Variants in ROR1 observed in about 807,000 individuals in gnomAD.
The protein encoded by ROR1 is inactive tyrosine-protein kinase transmembrane receptor ROR1.
In ROR1, 19 loss-of-function variants were observed where a neutral mutation model predicts 78.8. The observed-to-expected ratio is 0.24, with a 90% confidence interval of 0.17 to 0.35. The LOEUF is 0.35. Ranked by LOEUF, ROR1 falls within the 10% of genes least tolerant of loss-of-function variation. ROR1 has a pLI of 1.00. For synonymous variants in ROR1, 386 were observed against 433.6 expected (o/e 0.89, Z 1.36); for missense variants, 917 against 1,177.8 (o/e 0.78, Z 3.24).
At chr1:64,142,894 GA>G in intron 7 of ROR1, 2 of 1,339,594 alleles carry the variant, frequency 1.5e-6, no homozygotes, top group Non-Finnish European at 1.9e-6. Context: ...ATGTAACAGG[GA>G]CCCAGCCCTT....
intron 1 of ROR1, among the ~76,000 whole-genome samples, chr1:63,959,500 A>C (rs1569976708): frequency 6.6e-6 from 1 of 151,498 alleles, no homozygotes. Context: ...TGATTTCCTC[A>C]CCCTCCCCCA....
At chr1:64,051,317 G>C (rs1407863626) in intron 4 of ROR1, among the ~76,000 whole-genome samples, 3 of 151,788 alleles carry the variant, frequency 2.0e-5, no homozygotes, top group Non-Finnish European at 4.4e-5. Flanking sequence ...GTGCGTCGTG[G>C]TGGGCGCCTG....
chr1:64,143,603 A>G (rs901716728), intron 7 of ROR1, among the ~76,000 whole-genome samples: 1 of 152,166 alleles, frequency 6.6e-6, no homozygotes, highest in African/African-American at 2.4e-5. Flanking sequence ...GTTTAACCAG[A>G]TGATTATTCA....
chr1:63,845,913 C>G (rs1017261705), intron 1 of ROR1, among the ~76,000 whole-genome samples: 1 of 152,018 alleles, frequency 6.6e-6, no homozygotes, highest in Non-Finnish European at 1.5e-5. Flanking sequence ...TTAGATGGAG[C>G]CTGAACTTAT....
In ROR1 at chr1:64,109,008, C is replaced by T. The variant is rs543260262; in HGVS notation, c.483-28361C>T. 2.0e-5 allele frequency among the ~76,000 whole-genome samples: 3 copies of T among 152,310 alleles called. No individual in the cohort carries two copies. In the East Asian group the frequency reaches 5.8e-4, roughly 29 times the overall value. On this transcript the variant is annotated intron_variant, in intron 4 of 8. Transcript: ENST00000371079. Reference sequence around the variant, plus strand: ...GACACACCCCAGAGCTACTGAATCACAGTCTCTAGAGCTTGGGCCAGGAAT... The same window carrying T: ...GACACACCCCAGAGCTACTGAATCATAGTCTCTAGAGCTTGGGCCAGGAAT...
At chr1:64,083,873 A>G (rs536474651) in intron 4 of ROR1, among the ~76,000 whole-genome samples, 3 of 152,238 alleles carry the variant, frequency 2.0e-5, no homozygotes, top group Non-Finnish European at 4.4e-5. Context: ...GGAGATGATC[A>G]GGAATGGCTG....
At chr1:64,004,563 C>T (rs940979797) in intron 1 of ROR1, among the ~76,000 whole-genome samples, 4 of 152,142 alleles carry the variant, frequency 2.6e-5, no homozygotes, top group African/African-American at 4.8e-5. Flanking sequence ...CTGGGCTGGC[C>T]GCTGGTCTTG....
At chr1:64,093,276 T>A (rs1001190499) in intron 4 of ROR1, among the ~76,000 whole-genome samples, 13 of 152,128 alleles carry the variant, frequency 8.5e-5, no homozygotes, top group Admixed American at 8.5e-4. Flanking sequence ...CCAGAATAGA[T>A]GACTTAATGG....
intron 4 of ROR1, among the ~76,000 whole-genome samples, chr1:64,057,032 C>T (rs1303431013): frequency 1.3e-5 from 2 of 152,036 alleles, no homozygotes; most frequent in Non-Finnish European, 2.9e-5. Context: ...AATTTATTAC[C>T]CATTCTTTGG....
chr1:63,871,027 G>A (rs957491030), intron 1 of ROR1, among the ~76,000 whole-genome samples: 1 of 152,196 alleles, frequency 6.6e-6, no homozygotes, highest in African/African-American at 2.4e-5. Flanking sequence ...CTTGGTTGTG[G>A]TCGGTATTAA....
At chr1:64,096,866 G>C (rs1647318214) in intron 4 of ROR1, among the ~76,000 whole-genome samples, 2 of 151,034 alleles carry the variant, frequency 1.3e-5, no homozygotes, top group Non-Finnish European at 2.9e-5. Flanking sequence ...CACCAACAGT[G>C]TATACGCATT....
chr1:64,053,076 G>A (rs1015528318), intron 4 of ROR1, among the ~76,000 whole-genome samples: 2 of 152,134 alleles, frequency 1.3e-5, no homozygotes, highest in Non-Finnish European at 2.9e-5. Flanking sequence ...TAACATTGAG[G>A]TCCCTCTAAA....
rs1465064821 is a variant in ROR1 at position 63,788,943 on chromosome 1, T to A, written c.91+14435T>A. On this transcript the variant is annotated intron_variant, in intron 1 of 8. Transcript: ENST00000371079. ...CCCCTTAACCTTCAGGTACAGGCTG[T>A]GATACATGAGGTGATCAATCTTCTT... The A allele has an allele frequency of 5.3e-6, 4 of 748,906 alleles. No homozygotes were observed. In the Admixed American group the frequency reaches 7.1e-5, roughly 13 times the overall value. 46.4% of individuals were successfully genotyped at this position (748,906 alleles called of 1,614,324 possible). A position where few individuals can be genotyped will look rare whatever the true frequency, so the allele number is the denominator to read the frequency against.
intron 4 of ROR1, among the ~76,000 whole-genome samples, chr1:64,129,868 C>T (rs1648849941): frequency 1.3e-5 from 2 of 152,130 alleles, no homozygotes; most frequent in African/African-American, 4.8e-5. Context: ...AATGCAAACC[C>T]TTGTGTTTCC....
At chr1:63,999,403 G>A (rs1308238231) in intron 1 of ROR1, among the ~76,000 whole-genome samples, 2 of 152,204 alleles carry the variant, frequency 1.3e-5, no homozygotes, top group Non-Finnish European at 2.9e-5. Context: ...AGGATTCCAT[G>A]TCTATCTAAA....
At chr1:64,040,500 C>T (rs1266870964) in intron 2 of ROR1, among the ~76,000 whole-genome samples, 1 of 152,144 alleles carries the variant, frequency 6.6e-6, no homozygotes, top group Non-Finnish European at 1.5e-5. Flanking sequence ...CAAAAATACA[C>T]TTTCTATGTC....
At chr1:63,993,550 A>G (rs948569023) in intron 1 of ROR1, among the ~76,000 whole-genome samples, 4 of 152,200 alleles carry the variant, frequency 2.6e-5, no homozygotes, top group African/African-American at 7.2e-5. Flanking sequence ...TATACATTCC[A>G]TATGTATCTG....
chr1:63,819,568 G>A (rs1287610944), intron 1 of ROR1, among the ~76,000 whole-genome samples: 1 of 152,094 alleles, frequency 6.6e-6, no homozygotes, highest in Non-Finnish European at 1.5e-5. Context: ...TATTCCTCAG[G>A]AGCCCATGAA....
intron 1 of ROR1, among the ~76,000 whole-genome samples, chr1:63,810,390 C>T (rs577112449): frequency 5.3e-5 from 8 of 152,304 alleles, no homozygotes; most frequent in South Asian, 2.1e-4. Flanking sequence ...GTAGAAGGCA[C>T]GCATCATTTC....
Sources: gnomAD v4.1 joint callset for allele counts (sites outside exome capture counted in the v4.1 genomes callset) on GRCh38, gnomAD v4.1.1 for gene constraint, MANE v1.5 for transcripts, NCBI Gene and HGNC (gene_info 2026-07-23, HGNC 2026-07-21) for gene names.